The following GULP1 variants were observed in gnomAD, a reference collection of about 807,000 sequenced individuals.
GULP1 encodes the protein PTB domain-containing engulfment adapter protein 1.
GULP1 carries 19 observed loss-of-function variants against 40.9 expected under a neutral mutation model. The observed-to-expected ratio is 0.46, with a 90% confidence interval of 0.32 to 0.68. GULP1 has a LOEUF of 0.68. Ranked by LOEUF, GULP1 falls within the 30% of genes least tolerant of loss-of-function variation. The pLI, the probability that GULP1 is intolerant of heterozygous loss-of-function variation, is 0.03. For synonymous variants in GULP1, 119 were observed against 117.6 expected (o/e 1.01, Z -0.08); for missense variants, 312 against 362.2 (o/e 0.86, Z 1.12).
At chr2:188,514,333 T>G (rs1194917959) in intron 4 of GULP1, among the ~76,000 whole-genome samples, 1 of 152,212 alleles carries the variant, frequency 6.6e-6, no homozygotes, top group African/African-American at 2.4e-5. Flanking sequence ...GTGTAGGAAC[T>G]TAACTGTTGT....
chr2:188,561,037 A>G (rs1053996500), intron 7 of GULP1, among the ~76,000 whole-genome samples: 3 of 152,258 alleles, frequency 2.0e-5, no homozygotes, highest in South Asian at 2.1e-4. Flanking sequence ...CATATCAGCT[A>G]TAAACAGCAT....
At chr2:188,358,903 ATAAG>A (rs1285532097) in intron 1 of GULP1, among the ~76,000 whole-genome samples, 1 of 152,172 alleles carries the variant, frequency 6.6e-6, no homozygotes. Context: ...ACATTAAAAA[ATAAG>A]TAATCAGTCT....
At chr2:188,509,527 A>T (rs897098249) in intron 4 of GULP1, among the ~76,000 whole-genome samples, 1 of 152,112 alleles carries the variant, frequency 6.6e-6, no homozygotes, top group Non-Finnish European at 1.5e-5. Context: ...TGCACCACCT[A>T]TCAAGACCTG....
At chr2:188,462,842 A>G (rs1371978264) in intron 2 of GULP1, among the ~76,000 whole-genome samples, 1 of 152,092 alleles carries the variant, frequency 6.6e-6, no homozygotes, top group East Asian at 1.9e-4. Flanking sequence ...CCATCATTTT[A>G]AGCTGATAAC....
At chr2:188,509,985 T>A (rs949058832) in intron 4 of GULP1, among the ~76,000 whole-genome samples, 18 of 152,010 alleles carry the variant, frequency 1.2e-4, no homozygotes, top group African/African-American at 4.1e-4. Flanking sequence ...TTGAGATGGA[T>A]TAGGACATAG....
At chr2:188,475,955 A>G (rs1426984661) in intron 2 of GULP1, among the ~76,000 whole-genome samples, 1 of 152,160 alleles carries the variant, frequency 6.6e-6, no homozygotes, top group Non-Finnish European at 1.5e-5. Flanking sequence ...TGTGGGAGAT[A>G]AACAGCCAGC....
At chr2:188,569,774 GTCCAACAAGA>G (rs1364907639) in intron 8 of GULP1, 1 of 366,410 alleles carries the variant, frequency 2.7e-6, no homozygotes, top group Admixed American at 4.7e-5. Context: ...AGATTGCACA[GTCCAACAAGA>G]AAACACAATG....
chr2:188,352,356 A>G (rs1230220628), intron 1 of GULP1, among the ~76,000 whole-genome samples: 1 of 152,032 alleles, frequency 6.6e-6, no homozygotes, highest in East Asian at 1.9e-4. Context: ...TCTGGCCTTC[A>G]GACTTGGACT....
chr2:188,365,608 G>A (rs1205819403), intron 1 of GULP1, among the ~76,000 whole-genome samples: 2 of 152,184 alleles, frequency 1.3e-5, no homozygotes. Context: ...AGTCTACTGG[G>A]AAGGAATGTC....
chr2:188,582,629 A>G (rs931207352), intron 9 of GULP1: 4 of 422,496 alleles, frequency 9.5e-6, no homozygotes, highest in African/African-American at 2.1e-5. Context: ...TTCTGCCAAA[A>G]TGTGCTATTT....
At chr2:188,589,975 T>TG (rs1355127495) in intron 11 of GULP1, 2 of 96,180 alleles carry the variant, frequency 2.1e-5, no homozygotes, top group Non-Finnish European at 3.6e-5. Flanking sequence ...CTTTCTTTTC[T>TG]TTTTTTTTTT....
At chr2:188,535,880 G>C (rs1466154267) in intron 6 of GULP1, among the ~76,000 whole-genome samples, 1 of 151,816 alleles carries the variant, frequency 6.6e-6, no homozygotes, top group East Asian at 1.9e-4. Context: ...TTTTTAATAA[G>C]AGTGATTCTG....
At chr2:188,407,692 T>C (rs938765034) in intron 2 of GULP1, among the ~76,000 whole-genome samples, 1 of 151,234 alleles carries the variant, frequency 6.6e-6, no homozygotes, top group Non-Finnish European at 1.5e-5. Flanking sequence ...CCAGAGAAAA[T>C]AATCTCAAAG....
chr2:188,404,990 G>C (rs1376171728), intron 2 of GULP1, among the ~76,000 whole-genome samples: 1 of 152,144 alleles, frequency 6.6e-6, no homozygotes, highest in Non-Finnish European at 1.5e-5. Context: ...GCTAGCCCTT[G>C]TGGTTGCATA....
At chr2:188,328,697 A>C (rs192821965) in intron 1 of GULP1, among the ~76,000 whole-genome samples, 1 of 152,216 alleles carries the variant, frequency 6.6e-6, no homozygotes. Context: ...ATGAGTTCTA[A>C]ATGTCACAAA....
intron 4 of GULP1, among the ~76,000 whole-genome samples, chr2:188,513,095 G>A (rs1427125385): frequency 6.6e-6 from 1 of 152,004 alleles, no homozygotes; most frequent in Non-Finnish European, 1.5e-5. Context: ...ATGGGGTGGA[G>A]TATTTATGTT....
rs898387361 is a variant in GULP1, at chr2:188,323,665, T to A, written c.-172+31499T>A. ...ATCTGAAGATATGTGTGTGTGTGTG[T>A]GTGTGTGTGTGTGTGTGTGTGTGTA... On this transcript the variant is annotated intron_variant, in intron 1 of 11. Transcript: ENST00000409830. 2.4e-3 allele frequency among the ~76,000 whole-genome samples: 260 copies of A among 108,776 alleles called. 2 individuals carry two copies. The highest frequency in any genetic ancestry group is 0.012 in the East Asian group (54 of 4,584). The allele number at this position is 108,776 out of a possible 152,430, so 71.4% of individuals were successfully genotyped here.
intron 11 of GULP1, chr2:188,590,437 TA>T (rs764838594): frequency 2.0e-5 from 3 of 152,208 alleles, no homozygotes; most frequent in Non-Finnish European, 2.9e-5. Flanking sequence ...TATAAAAACT[TA>T]ATATAGTACA....
At chr2:188,462,347 G>A (rs914433977) in intron 2 of GULP1, among the ~76,000 whole-genome samples, 12 of 152,082 alleles carry the variant, frequency 7.9e-5, no homozygotes, top group African/African-American at 2.9e-4. Flanking sequence ...CCTAACATAT[G>A]GTCTATCCTT....
Sources: gnomAD v4.1 joint callset for allele counts (sites outside exome capture counted in the v4.1 genomes callset) on GRCh38, gnomAD v4.1.1 for gene constraint, MANE v1.5 for transcripts, NCBI Gene and HGNC (gene_info 2026-07-23, HGNC 2026-07-21) for gene names.